The following DNAH7 variants were observed in gnomAD, a reference collection of about 807,000 sequenced individuals.
DNAH7 encodes the protein axonemal beta dynein heavy chain 7.
In DNAH7, 397 loss-of-function variants were observed where a neutral mutation model predicts 444.6. The observed-to-expected ratio is 0.89, with a 90% CI of 0.82 to 0.97. The LOEUF is 0.97. Among genes scored for constraint, DNAH7 ranks in the 50% least tolerant of loss-of-function variants. The pLI, the probability that DNAH7 is intolerant of heterozygous loss-of-function variation, is 0.00. For missense variants in DNAH7, 4,902 were observed against 4,800.8 expected, an observed-to-expected ratio of 1.02 and a Z score of -0.62; for synonymous variants, 1,636 against 1,624.4, an observed-to-expected ratio of 1.01 and a Z score of -0.17.
intron 47 of DNAH7, among the ~76,000 whole-genome samples, chr2:195,835,568 G>A (rs1396085436): frequency 1.4e-4 from 21 of 152,226 alleles, no homozygotes; most frequent in South Asian, 4.1e-4. Context: ...AGCTTAGGCC[G>A]GGTGCGGTAG....
At chr2:195,911,455 A>C (rs1687354427) in intron 24 of DNAH7, among the ~76,000 whole-genome samples, 1 of 152,190 alleles carries the variant, frequency 6.6e-6, no homozygotes, top group African/African-American at 2.4e-5. Context: ...ATGGGGAAGA[A>C]GCAAAATTTA....
In DNAH7 at chr2:196,051,212, G is replaced by C; in HGVS notation, c.116C>G (p.Ala39Gly). The C allele has an allele frequency of 6.2e-7, 1 of 1,613,894 alleles. No homozygotes were observed. Among genetic ancestry groups the C allele is most frequent in the Non-Finnish European group, 8.5e-7 (1 of 1,179,866 alleles). ...CATAGACAGCTGTGGTAAAGCTCTT[G>C]CTGGTGCCTTGAACTTTTCTTTGCT... is the stretch of plus-strand genomic sequence containing the variant. ...LASKEKFKAP[A>G]RALPQLSMVS... Residue 39 changes from alanine (A) to glycine (G), a missense_variant, in exon 3 of 65, where the codon GCA becomes GGA. Ala to Gly is a moderately conservative substitution (Grantham distance 60, BLOSUM62 0). Transcript: ENST00000312428.
chr2:195,886,005 G>T, intron 34 of DNAH7, 136 bp downstream of exon 34: 2 of 1,034,938 alleles, frequency 1.9e-6, no homozygotes, highest in Non-Finnish European at 2.7e-6. Flanking sequence ...CTGGCTCTTT[G>T]CTCATTCTTC....
At chr2:196,032,086 T>A (rs564511124) in intron 5 of DNAH7, among the ~76,000 whole-genome samples, 4 of 151,136 alleles carry the variant, frequency 2.6e-5, no homozygotes, top group Admixed American at 1.3e-4. Context: ...GTTGGGGGGG[T>A]CTCACAATCA....
intron 59 of DNAH7, among the ~76,000 whole-genome samples, chr2:195,777,485 C>A (rs1285103064): frequency 6.6e-6 from 1 of 152,060 alleles, no homozygotes; most frequent in Non-Finnish European, 1.5e-5. Context: ...TTTGCTAATA[C>A]CATCTCTTAT....
At chr2:195,811,078 A>G (rs1345686860) in intron 51 of DNAH7, among the ~76,000 whole-genome samples, 1 of 152,224 alleles carries the variant, frequency 6.6e-6, no homozygotes, top group African/African-American at 2.4e-5. Context: ...ATATAATATG[A>G]TATGTTAATA....
At chr2:195,773,907 G>A (rs780435872) in intron 60 of DNAH7, among the ~76,000 whole-genome samples, 9 of 152,280 alleles carry the variant, frequency 5.9e-5, no homozygotes, top group Middle Eastern at 3.4e-3. Context: ...AGATAAATTA[G>A]TTAAATACAA....
chr2:195,880,994 GT>G (rs199868134), intron 36 of DNAH7, among the ~76,000 whole-genome samples: 431 of 136,634 alleles, frequency 3.2e-3, no homozygotes, highest in Middle Eastern at 0.019. Context: ...TACACTTTTA[GT>G]TTTTTTTTTT....
intron 19 of DNAH7, among the ~76,000 whole-genome samples, chr2:195,956,470 G>A (rs1364350679): frequency 6.6e-6 from 1 of 152,196 alleles, no homozygotes; most frequent in Admixed American, 6.5e-5. Context: ...GGCCAACATG[G>A]TGAAACCCCA....
In DNAH7 at chr2:195,816,706, T is replaced by C; in HGVS notation, c.9683A>G (p.Gln3228Arg). The C allele has an allele frequency of 1.2e-6, 2 of 1,614,172 alleles. No individual in the cohort carries two copies. Among genetic ancestry groups the C allele is most frequent in the Non-Finnish European group, 1.7e-6 (2 of 1,180,008 alleles). Residue 3228 changes from glutamine (Q) to arginine (R), a missense_variant, in exon 51 of 65, where the codon CAG becomes CGG. Physicochemically the swap from Gln to Arg is conservative, Grantham distance 43. Transcript: ENST00000312428. ...GTTAATAAACCAGGTCAGTGAATAC[T>C]GGTACATGGGCTCAATGTTGGCTAA... ...ADLANIEPMYQYSLTWFINLF... is the reference protein window; with the variant it reads ...ADLANIEPMYRYSLTWFINLF...
chr2:195,918,593 G>C (rs193128318), intron 24 of DNAH7, among the ~76,000 whole-genome samples: 1 of 152,326 alleles, frequency 6.6e-6, no homozygotes, highest in African/African-American at 2.4e-5. Context: ...GTCAATAAAA[G>C]TGTGTTATCA....
At chr2:195,780,899 T>C (rs985288834) in intron 58 of DNAH7, among the ~76,000 whole-genome samples, 1 of 152,114 alleles carries the variant, frequency 6.6e-6, no homozygotes, top group South Asian at 2.1e-4. Flanking sequence ...GACATTCTAG[T>C]GATCCCACTT....
At chr2:195,766,570 G>A (rs905770038) in intron 61 of DNAH7, among the ~76,000 whole-genome samples, 1 of 151,812 alleles carries the variant, frequency 6.6e-6, no homozygotes, top group Non-Finnish European at 1.5e-5. Flanking sequence ...TTAATAGTAG[G>A]GATGGTTAAT....
At chr2:195,748,566 C>T (rs1449017987) in intron 63 of DNAH7, among the ~76,000 whole-genome samples, 1 of 152,178 alleles carries the variant, frequency 6.6e-6, no homozygotes, top group Non-Finnish European at 1.5e-5. Context: ...GGAGGCATCA[C>T]ACTACCTGAC....
intron 19 of DNAH7, among the ~76,000 whole-genome samples, chr2:195,941,234 A>T (rs186586426): frequency 6.6e-6 from 1 of 152,288 alleles, no homozygotes; most frequent in East Asian, 1.9e-4. Flanking sequence ...ACATAGATGA[A>T]GCTGGAAGCC....
At chr2:195,838,089 T>G (rs1698474190) in intron 47 of DNAH7, among the ~76,000 whole-genome samples, 1 of 152,274 alleles carries the variant, frequency 6.6e-6, no homozygotes, top group Non-Finnish European at 1.5e-5. Context: ...CCTAGTCCAT[T>G]TAACTCCTGA....
intron 17 of DNAH7, among the ~76,000 whole-genome samples, chr2:195,965,286 G>T (rs1691399438): frequency 6.6e-6 from 1 of 152,172 alleles, no homozygotes; most frequent in Non-Finnish European, 1.5e-5. Flanking sequence ...ATATGTTTAT[G>T]TAGAACCATC....
At chr2:195,819,051 C>T (rs1353867379) in intron 49 of DNAH7, among the ~76,000 whole-genome samples, 2 of 152,166 alleles carry the variant, frequency 1.3e-5, no homozygotes, top group African/African-American at 2.4e-5. Flanking sequence ...TGTGGAATCC[C>T]ATACACACTA....
intron 12 of DNAH7, among the ~76,000 whole-genome samples, chr2:195,992,912 A>G (rs1693443407): frequency 6.6e-6 from 1 of 152,180 alleles, no homozygotes; most frequent in African/African-American, 2.4e-5. Flanking sequence ...TTCATAGAGG[A>G]AGGGGAACAG....
Sources: gnomAD v4.1 joint callset for allele counts (sites outside exome capture counted in the v4.1 genomes callset) on GRCh38, gnomAD v4.1.1 for gene constraint, MANE v1.5 for transcripts, NCBI Gene and HGNC (gene_info 2026-07-23, HGNC 2026-07-21) for gene names.